Variants in PVT1 observed in about 807,000 individuals in gnomAD.
PVT1 encodes CXCR4/PVT1 fusion.
intron 4 of PVT1, among the ~76,000 whole-genome samples, chr8:127,999,853 G>A (rs918903309): frequency 6.6e-6 from 1 of 152,202 alleles, no homozygotes; most frequent in African/African-American, 2.4e-5. Context: ...TTCACGTGGG[G>A]CAAGAGGAGT....
rs1322861696 is a variant in PVT1, at chr8:127,813,340, G to A, written n.372+17269G>A. On this transcript the variant is annotated intron_variant and non_coding_transcript_variant, in intron 2 of 10. Transcript: ENST00000651587. The stretch of plus-strand genomic sequence containing the variant: ...GAGGAGAGGAGCAGTTTAATCCCAG[G>A]ATCCCATGGAGAGGAAACTTGTAGG... Among the ~76,000 whole-genome samples, 4 of 151,402 alleles carry A rather than the reference G, an allele frequency of 2.6e-5. No homozygotes were observed. The East Asian group carries it at 7.7e-4, about 29-fold the overall frequency.
At chr8:127,848,384 CT>C (rs1815062985) in intron 2 of PVT1, among the ~76,000 whole-genome samples, 1 of 151,874 alleles carries the variant, frequency 6.6e-6, no homozygotes, top group African/African-American at 2.4e-5. Context: ...GACCTCATCT[CT>C]CCAAAACCAC....
At chr8:127,815,147 A>G (rs1252436914) in intron 2 of PVT1, among the ~76,000 whole-genome samples, 1 of 151,952 alleles carries the variant, frequency 6.6e-6, no homozygotes, top group Non-Finnish European at 1.5e-5. Flanking sequence ...TGTATTTTTT[A>G]GTAGAGACGG....
chr8:128,057,080 C>CTGTGAGAT (rs1177520267), intron 4 of PVT1, among the ~76,000 whole-genome samples: 2 of 152,266 alleles, frequency 1.3e-5, no homozygotes, highest in East Asian at 3.9e-4. Context: ...TCAAGTTTAG[C>CTGTGAGAT]TGTGAGATAA....
At chr8:127,850,256 C>T (rs530794175) in intron 2 of PVT1, among the ~76,000 whole-genome samples, 8 of 152,110 alleles carry the variant, frequency 5.3e-5, no homozygotes, top group Non-Finnish European at 1.2e-4. Flanking sequence ...ACCTAGCGGT[C>T]GGTCTGGTTT....
At chr8:128,071,453 G>A (rs544426777) in intron 5 of PVT1, among the ~76,000 whole-genome samples, 4 of 152,014 alleles carry the variant, frequency 2.6e-5, no homozygotes, top group South Asian at 2.1e-4. Flanking sequence ...AGGCTGAGGC[G>A]GGAGGATCAC....
At chr8:127,845,827 T>C (rs1201327911) in intron 2 of PVT1, among the ~76,000 whole-genome samples, 1 of 152,226 alleles carries the variant, frequency 6.6e-6, no homozygotes, top group Non-Finnish European at 1.5e-5. Flanking sequence ...GAGGATTTTG[T>C]GTTCAAAAGA....
rs56039408 is a variant in PVT1, at chr8:127,876,253, A to AGTGT, written n.373-14309_373-14306dup. 2.8e-3 allele frequency among the ~76,000 whole-genome samples: 418 copies of AGTGT among 149,206 alleles called. 1 individual carries two copies. Among genetic ancestry groups the AGTGT allele is most frequent in the African/African-American group, 4.6e-3 (186 of 40,664 alleles). On this transcript the variant is annotated intron_variant and non_coding_transcript_variant, in intron 2 of 10. Transcript: ENST00000651587. ...GATTCACACACACGCCCCAAACAGC[A>AGTGT]GTGTGTGTGTGTGTGTGTGTGTGTG...
At chr8:128,075,711 C>A (rs912835770) in intron 5 of PVT1, among the ~76,000 whole-genome samples, 1 of 152,108 alleles carries the variant, frequency 6.6e-6, no homozygotes, top group Non-Finnish European at 1.5e-5. Flanking sequence ...TGCAGTTTAC[C>A]CCTTTTCACT....
At chr8:127,880,507 A>G (rs943404165) in intron 2 of PVT1, among the ~76,000 whole-genome samples, 2 of 149,874 alleles carry the variant, frequency 1.3e-5, no homozygotes, top group Non-Finnish European at 3.0e-5. Flanking sequence ...TGTGTTAGCC[A>G]GGATGGTCTC....
chr8:127,936,347 T>A (rs562069886), intron 3 of PVT1, among the ~76,000 whole-genome samples: 16 of 152,244 alleles, frequency 1.1e-4, no homozygotes, highest in Admixed American at 1.0e-3. Context: ...CCACCCCACC[T>A]GGTCGACAGT....
intron 4 of PVT1, among the ~76,000 whole-genome samples, chr8:128,039,386 T>C (rs1167950400): frequency 6.6e-6 from 1 of 152,218 alleles, no homozygotes; most frequent in Non-Finnish European, 1.5e-5. Context: ...TGTGCCCACC[T>C]CTCCTCTAGT....
intron 3 of PVT1, among the ~76,000 whole-genome samples, chr8:127,899,875 G>A (rs1815736884): frequency 1.3e-5 from 2 of 152,134 alleles, no homozygotes; most frequent in Admixed American, 6.5e-5. Context: ...GTTTCAGGGG[G>A]ATCTCTGTAT....
At chr8:127,948,697 G>C (rs1039877225) in intron 3 of PVT1, 7 of 152,322 alleles carry the variant, frequency 4.6e-5, no homozygotes, top group Non-Finnish European at 8.8e-5. Flanking sequence ...AAGACCACGT[G>C]TAGACACAGG....
At chr8:127,903,809 G>A (rs1586429415) in intron 3 of PVT1, among the ~76,000 whole-genome samples, 1 of 152,336 alleles carries the variant, frequency 6.6e-6, no homozygotes, top group East Asian at 1.9e-4. Context: ...CCAGTACCAT[G>A]CTGTTTGGGT....
At chr8:127,877,350 G>A (rs1016838052) in intron 2 of PVT1, among the ~76,000 whole-genome samples, 2 of 152,240 alleles carry the variant, frequency 1.3e-5, no homozygotes, top group African/African-American at 4.8e-5. Context: ...CTGTGGGGTT[G>A]TGAGGATACA....
intron 5 of PVT1, among the ~76,000 whole-genome samples, chr8:128,094,077 A>G (rs1814396989): frequency 6.6e-6 from 1 of 152,160 alleles, no homozygotes; most frequent in African/African-American, 2.4e-5. Context: ...GCAGCATGGC[A>G]TATGGACCTG....
chr8:127,859,116 C>T (rs1318851320), intron 2 of PVT1, among the ~76,000 whole-genome samples: 3 of 152,000 alleles, frequency 2.0e-5, no homozygotes, highest in Non-Finnish European at 4.4e-5. Flanking sequence ...CCTGAAGGCT[C>T]GTTTGTAATG....
chr8:128,021,102 C>G (rs923069270), intron 4 of PVT1, among the ~76,000 whole-genome samples: 3 of 152,058 alleles, frequency 2.0e-5, no homozygotes, highest in Non-Finnish European at 4.4e-5. Context: ...CTCTGCCCAA[C>G]CATCCTTCAA....
Sources: gnomAD v4.1 joint callset for allele counts (sites outside exome capture counted in the v4.1 genomes callset) on GRCh38, gnomAD v4.1.1 for gene constraint, MANE v1.5 for transcripts, NCBI Gene and HGNC (gene_info 2026-07-23, HGNC 2026-07-21) for gene names.